The following CDCP2 variants were observed in gnomAD, a reference collection of about 807,000 sequenced individuals.
CDCP2 encodes CUB domain containing protein 2, also known as CUB domain-containing protein 2.
In CDCP2, 31 loss-of-function variants were observed where a neutral mutation model predicts 31.0. The observed-to-expected ratio is 1.00, with a 90% CI of 0.75 to 1.35. The LOEUF (loss-of-function observed/expected upper bound fraction) is 1.35. Ranked by LOEUF, CDCP2 falls within the 40% of genes most tolerant of loss-of-function variation. The pLI, the probability that CDCP2 is intolerant of heterozygous loss-of-function variation, is 0.00. For synonymous variants in CDCP2, 206 were observed against 207.9 expected, an observed-to-expected ratio of 0.99 and a Z score of 0.08; for missense variants, 443 against 482.6, an observed-to-expected ratio of 0.92 and a Z score of 0.77.
intron 3 of CDCP2, 90 bp from the exon 4 acceptor site, chr1:54,140,196 C>T (rs1659341592): frequency 7.9e-7 from 1 of 1,260,752 alleles, no homozygotes; most frequent in Non-Finnish European, 1.1e-6. Context: ...GCAGGTGCCA[C>T]AGTGGTCCAA....
At chr1:54,139,572 C>A in intron 4 of CDCP2, 181 bp downstream of exon 4, 1 of 1,613,824 alleles carries the variant, frequency 6.2e-7, no homozygotes, top group Non-Finnish European at 8.5e-7. Context: ...GGGAGCCGTA[C>A]CGTCCAGTCT....
At chr1:54,137,719 G>A (rs554995885) in intron 4 of CDCP2, 1 of 152,948 alleles carries the variant, frequency 6.5e-6, no homozygotes, top group South Asian at 2.1e-4. Flanking sequence ...GCGGGGGCAG[G>A]GGTGAGGATA....
intron 2 of CDCP2, chr1:54,142,708 G>A (rs1659394884): frequency 6.6e-6 from 1 of 152,222 alleles, no homozygotes; most frequent in Admixed American, 6.5e-5. Flanking sequence ...CTTTAGGAAG[G>A]CCCTCTCAGG....
chr1:54,152,756 C>G lies in CDCP2; in HGVS notation c.79+88G>C, dbSNP rs541123117. 9.6e-6 allele frequency: 12 copies of G among 1,250,028 alleles called. No homozygotes were observed. In the African/African-American group the frequency reaches 1.5e-4, roughly 15 times the overall value. 77.4% of individuals were successfully genotyped at this position (1,250,028 alleles called of 1,614,324 possible). A position where few individuals can be genotyped will look rare whatever the true frequency, so the allele number is the denominator to read the frequency against. ...CCTAAAAGGACCTCCTGCTTTCTGG[C>G]TTCCCATGTAGAAACTTCTTGAGCC... On this transcript the variant is annotated intron_variant, in intron 1 of 5. Coordinates refer to ENST00000530059, the Ensembl canonical transcript of CDCP2.
At chr1:54,141,765 T>A (rs1659379600) in intron 2 of CDCP2, 2 of 221,572 alleles carry the variant, frequency 9.0e-6, no homozygotes, top group South Asian at 2.4e-4. Flanking sequence ...AGATAAGGAT[T>A]TGAGTGCAAG....
chr1:54,143,924 A>C (rs942965550), intron 2 of CDCP2: 3 of 152,454 alleles, frequency 2.0e-5, no homozygotes, highest in Non-Finnish European at 2.9e-5. Context: ...ATGATATAAC[A>C]GCCACTAGCT....
chr1:54,144,305 C>G, intron 2 of CDCP2, 161 bp downstream of exon 2: 1 of 637,482 alleles, frequency 1.6e-6, no homozygotes, highest in Non-Finnish European at 2.7e-6. Context: ...CTCACCTGAG[C>G]CCTGCTGCTA....
chr1:54,140,209 A>G (rs1659341764), intron 3 of CDCP2, 103 bp from the exon 4 acceptor site: 4 of 1,036,778 alleles, frequency 3.9e-6, no homozygotes, highest in East Asian at 2.5e-5. Flanking sequence ...TGGTCCAAAA[A>G]CCACCAGCAG....
chr1:54,152,403 G>T (rs1483055089), intron 1 of CDCP2, among the ~76,000 whole-genome samples: 1 of 151,602 alleles, frequency 6.6e-6, no homozygotes, highest in Non-Finnish European at 1.5e-5. Flanking sequence ...GGTGGAGGTT[G>T]CAGTGAGCTG....
chr1:54,152,690 C>T (rs1216186885), intron 1 of CDCP2, among the ~76,000 whole-genome samples, 154 bp downstream of exon 1: 1 of 152,198 alleles, frequency 6.6e-6, no homozygotes, highest in Non-Finnish European at 1.5e-5. Flanking sequence ...ATTGTCTCCC[C>T]CCATCTCAGG....
At position 54,145,326 on chromosome 1, in the gene CDCP2, T is replaced by G. The variant is rs527302741; in HGVS notation, c.80-513A>C. Among the ~76,000 whole-genome samples the G allele has an allele frequency of 2.2e-3, 332 of 152,284 alleles. 1 individual carries two copies. Among genetic ancestry groups the G allele is most frequent in the African/African-American group, 7.5e-3 (311 of 41,554 alleles). ...CTGTAGTCCCAGCTACCTGGGAGGC[T>G]GAGGCAGGAGAATCGCTTGCACCCG... On this transcript the variant is annotated intron_variant, in intron 1 of 5. Transcript: ENST00000530059.
At chr1:54,136,559 C>A in intron 5 of CDCP2, 71 bp downstream of exon 5, 1 of 399,050 alleles carries the variant, frequency 2.5e-6, no homozygotes, top group Middle Eastern at 6.3e-4. Context: ...GCTGAATTTT[C>A]AGGAATGTGA....
chr1:54,140,349 C>T, intron 3 of CDCP2: 1 of 571,010 alleles, frequency 1.8e-6, no homozygotes, highest in African/African-American at 1.9e-5. Context: ...GTTGACAGTC[C>T]CCTTCACAGG....
intron 4 of CDCP2, among the ~76,000 whole-genome samples, chr1:54,137,542 T>C (rs952237206): frequency 1.3e-5 from 2 of 152,222 alleles, no homozygotes; most frequent in African/African-American, 4.8e-5. Context: ...TTGTTTGCAG[T>C]GGCCAACCGG....
downstream of CDCP2, chr1:54,132,771 C>T: frequency 2.5e-6 from 1 of 396,260 alleles, no homozygotes; most frequent in Non-Finnish European, 4.4e-6. Flanking sequence ...AGCTCTTATC[C>T]ATCTCTGCCC....
intron 1 of CDCP2, among the ~76,000 whole-genome samples, chr1:54,152,075 A>G (rs1296651962): frequency 6.6e-6 from 1 of 152,176 alleles, no homozygotes; most frequent in Non-Finnish European, 1.5e-5. Context: ...GTTGGAGCCC[A>G]CACTCAGAGG....
At chr1:54,132,842 T>A (rs1659188961), downstream of CDCP2, 6 of 397,508 alleles carry the variant, frequency 1.5e-5, no homozygotes, top group Middle Eastern at 6.3e-4. Context: ...CCCTAGGAAA[T>A]GGAGGCTCAG....
intron 1 of CDCP2, among the ~76,000 whole-genome samples, chr1:54,152,303 A>G (rs1424960352): frequency 6.6e-6 from 1 of 152,122 alleles, no homozygotes; most frequent in African/African-American, 2.4e-5. Context: ...ATCTCTACTA[A>G]AAATACAAAA....
At chr1:54,143,860 T>C (rs1424247098) in intron 2 of CDCP2, 2 of 152,244 alleles carry the variant, frequency 1.3e-5, no homozygotes, top group Non-Finnish European at 2.9e-5. Flanking sequence ...TCTCCCTCAC[T>C]AGACTGAGAG....
Sources: allele counts gnomAD v4.1 joint callset (sites outside exome capture counted in the v4.1 genomes callset), GRCh38; gene constraint gnomAD v4.1.1; transcripts MANE v1.5; gene names NCBI Gene and HGNC (gene_info 2026-07-23, HGNC 2026-07-21).